The following BCL2 variants were observed in gnomAD, a reference collection of about 807,000 sequenced individuals.
BCL2 encodes the protein BCL2 apoptosis regulator, also known as apoptosis regulator Bcl-2.
Under a neutral mutation model 14.2 loss-of-function variants are expected in BCL2, and 1 was observed. That is an observed-to-expected ratio of 0.07 (90% CI 0.02 to 0.33). BCL2 has a LOEUF of 0.33. Ranked by LOEUF, BCL2 falls within the 10% of genes least tolerant of loss-of-function variation. The probability of loss-of-function intolerance (pLI) is 0.99; values close to 1 mark genes in which losing one functional copy is unlikely to be tolerated. For missense variants in BCL2, 247 were observed against 305.9 expected (o/e 0.81, Z 1.44); for synonymous variants, 151 against 137.2 (o/e 1.10, Z -0.70).
At chr18:63,202,736 T>G (rs1452725194) in intron 2 of BCL2, among the ~76,000 whole-genome samples, 1 of 152,202 alleles carries the variant, frequency 6.6e-6, no homozygotes, top group Non-Finnish European at 1.5e-5. Flanking sequence ...CTTAGACAAA[T>G]GGGGATCAGT....
rs150398198 is a variant in BCL2, at chr18:63,139,580, T to C, written c.586-10821A>G. ...TTTGTGTCTTGTCTGCAGGCCCATT[T>C]GCCCAGCAGTGGCCTTGCCAGGAGA... On this transcript the variant is annotated intron_variant, in intron 2 of 2. Coordinates refer to ENST00000333681, the MANE Select transcript of BCL2 (RefSeq NM_000633.3). Among the ~76,000 whole-genome samples the C allele has an allele frequency of 9.4e-3, 1,435 of 152,358 alleles. 30 individuals carry two copies. The highest frequency in any genetic ancestry group is 0.033 in the African/African-American group (1,370 of 41,576).
chr18:63,131,305 C>T (rs1018641804), intron 2 of BCL2, among the ~76,000 whole-genome samples: 16 of 152,110 alleles, frequency 1.1e-4, no homozygotes, highest in African/African-American at 3.4e-4. Context: ...CAGGAGAGGG[C>T]GCAAGGGCTT....
chr18:63,205,016 C>T (rs1160715576), intron 2 of BCL2, among the ~76,000 whole-genome samples: 1 of 151,984 alleles, frequency 6.6e-6, no homozygotes, highest in Non-Finnish European at 1.5e-5. Context: ...TGGATGGGGA[C>T]GGAGGTGCTA....
chr18:63,276,385 G>T (rs1703691114), intron 2 of BCL2, among the ~76,000 whole-genome samples: 1 of 152,202 alleles, frequency 6.6e-6, no homozygotes. Flanking sequence ...TGTTCTGGTA[G>T]TCACAGGACA....
intron 2 of BCL2, among the ~76,000 whole-genome samples, chr18:63,130,227 A>C (rs532206289): frequency 1.3e-5 from 2 of 152,354 alleles, no homozygotes; most frequent in South Asian, 4.1e-4. Flanking sequence ...TTTATTCAGG[A>C]TGAAGAAGAA....
intron 2 of BCL2, among the ~76,000 whole-genome samples, chr18:63,211,744 C>T (rs1219053210): frequency 1.3e-5 from 2 of 152,210 alleles, no homozygotes; most frequent in Non-Finnish European, 2.9e-5. Context: ...TTGGCATTGT[C>T]CTACTGTGGC....
intron 2 of BCL2, among the ~76,000 whole-genome samples, chr18:63,166,902 C>T (rs921851704): frequency 4.6e-5 from 7 of 152,208 alleles, no homozygotes; most frequent in African/African-American, 1.7e-4. Flanking sequence ...CCATGGAGCA[C>T]TGACCAGGTG....
chr18:63,135,144 G>A (rs1276010212), intron 2 of BCL2, among the ~76,000 whole-genome samples: 1 of 152,196 alleles, frequency 6.6e-6, no homozygotes, highest in Non-Finnish European at 1.5e-5. Flanking sequence ...GGAAATTCGT[G>A]GTGGACAGGA....
At chr18:63,241,643 T>C (rs933705983) in intron 2 of BCL2, among the ~76,000 whole-genome samples, 1 of 152,198 alleles carries the variant, frequency 6.6e-6, no homozygotes, top group African/African-American at 2.4e-5. Flanking sequence ...CCGAGGTTAT[T>C]AATGCAGAAG....
Position 63,318,036 on chromosome 18 carries a change from C to G in BCL2, c.585+46G>C. 6.3e-7 allele frequency: 1 copy of G among 1,597,624 alleles called. No individual in the cohort carries two copies. On this transcript the variant is annotated intron_variant, in intron 2 of 2. Coordinates refer to ENST00000333681, the MANE Select transcript of BCL2 (RefSeq NM_000633.3). This position sits in a 1 kb window ranked among gnomAD's most constrained non-coding sequence, Gnocchi z 7.4. ...CACCCGCACTCCAACCCCCGCATCT[C>G]GGACCTGTGGCCTCAGCCCAGACTC...
In BCL2 at chr18:63,123,807, A is replaced by C. The variant is rs1913838320; in HGVS notation, c.*4818T>G. ...TTGCAAATTCTACCTTGGAGGGAAA[A>C]ACTTAATGAAATGAGCTATCTGGAG... On this transcript the variant is annotated 3_prime_UTR_variant, in exon 3 of 3. Coordinates refer to ENST00000333681, the MANE Select transcript of BCL2 (RefSeq NM_000633.3). The C allele has an allele frequency of 4.6e-6, 1 of 218,558 alleles. No individual in the cohort carries two copies. Among genetic ancestry groups the C allele is most frequent in the South Asian group, 1.9e-4 (1 of 5,396 alleles). The allele number at this position is 218,558 out of a possible 1,614,324, so 13.5% of individuals were successfully genotyped here.
intron 2 of BCL2, among the ~76,000 whole-genome samples, chr18:63,148,619 C>A (rs1415938424): frequency 1.3e-5 from 2 of 150,878 alleles, no homozygotes; most frequent in Non-Finnish European, 2.9e-5. Flanking sequence ...GAAGTGGCAA[C>A]GAATTTCCCT....
At chr18:63,248,471 T>C (rs1193192310) in intron 2 of BCL2, among the ~76,000 whole-genome samples, 1 of 151,106 alleles carries the variant, frequency 6.6e-6, no homozygotes, top group Non-Finnish European at 1.5e-5. Context: ...CAAATAACTA[T>C]GTACTCAAAA....
At chr18:63,290,764 A>G (rs1467509653) in intron 2 of BCL2, among the ~76,000 whole-genome samples, 1 of 152,224 alleles carries the variant, frequency 6.6e-6, no homozygotes, top group Non-Finnish European at 1.5e-5. Context: ...AAGTACTTCT[A>G]TTTGGTAGAA....
chr18:63,193,003 C>T (rs78607506), intron 2 of BCL2, among the ~76,000 whole-genome samples: 2,260 of 152,240 alleles, frequency 0.015, 52 homozygotes, highest in African/African-American at 0.051. Flanking sequence ...AATAACACCC[C>T]GTGATGAAAT....
At chr18:63,284,699 A>T (rs1222280480) in intron 2 of BCL2, among the ~76,000 whole-genome samples, 1 of 152,268 alleles carries the variant, frequency 6.6e-6, no homozygotes, top group Admixed American at 6.5e-5. Flanking sequence ...ATTTCAGAGC[A>T]GAGAACACCG....
At chr18:63,235,487 A>G (rs1910802855) in intron 2 of BCL2, among the ~76,000 whole-genome samples, 1 of 152,198 alleles carries the variant, frequency 6.6e-6, no homozygotes, top group South Asian at 2.1e-4. Context: ...AAATCTTACA[A>G]ATACAATGTA....
intron 2 of BCL2, among the ~76,000 whole-genome samples, chr18:63,186,232 T>C (rs1170449519): frequency 6.6e-6 from 1 of 152,260 alleles, no homozygotes; most frequent in African/African-American, 2.4e-5. Flanking sequence ...TCTGTGGAGT[T>C]CAAACTGCTT....
At chr18:63,207,867 C>T (rs567844246) in intron 2 of BCL2, 6 of 152,140 alleles carry the variant, frequency 3.9e-5, no homozygotes, top group Non-Finnish European at 8.8e-5. Flanking sequence ...GGTTATTCTA[C>T]CCCTGACTTT....
Sources: allele counts gnomAD v4.1 joint callset (sites outside exome capture counted in the v4.1 genomes callset), GRCh38; gene constraint gnomAD v4.1.1; non-coding constraint Gnocchi (gnomAD v3.1); transcripts MANE v1.5; gene names NCBI Gene and HGNC (gene_info 2026-07-23, HGNC 2026-07-21).